The following TMEM41B variants were observed in gnomAD, a reference collection of about 807,000 sequenced individuals.
The protein encoded by TMEM41B is transmembrane protein 41B.
In TMEM41B, 18 loss-of-function variants were observed where a neutral mutation model predicts 31.9. That is an observed-to-expected ratio of 0.56 (90% CI 0.39 to 0.84). The LOEUF is 0.84. Among genes scored for constraint, TMEM41B ranks in the 40% least tolerant of loss-of-function variants. The pLI, the probability that TMEM41B is intolerant of heterozygous loss-of-function variation, is 0.00. For missense variants in TMEM41B, 322 were observed against 348.0 expected (o/e 0.93, Z 0.59); for synonymous variants, 144 against 124.3 (o/e 1.16, Z -1.05).
At chr11:9,291,060 G>C (rs1463882993) in intron 3 of TMEM41B, among the ~76,000 whole-genome samples, 1 of 152,086 alleles carries the variant, frequency 6.6e-6, no homozygotes, top group African/African-American at 2.4e-5. Context: ...ACGTTGTAGT[G>C]AGCCGAGATC....
At chr11:9,297,713 T>C (rs1015958660) in intron 2 of TMEM41B, among the ~76,000 whole-genome samples, 1 of 151,760 alleles carries the variant, frequency 6.6e-6, no homozygotes, top group South Asian at 2.1e-4. Flanking sequence ...AAATAAAGTT[T>C]TTTATACAGA....
chr11:9,311,168 G>T, intron 1 of TMEM41B: 1 of 1,219,976 alleles, frequency 8.2e-7, no homozygotes, highest in Admixed American at 2.3e-5. Flanking sequence ...CTCAGGCGGG[G>T]GTAGGGTGTG....
intron 2 of TMEM41B, among the ~76,000 whole-genome samples, chr11:9,296,756 A>T (rs1209554398): frequency 2.0e-5 from 3 of 152,214 alleles, no homozygotes; most frequent in African/African-American, 7.2e-5. Flanking sequence ...TTCACAGTTC[A>T]AACATTTTCT....
At chr11:9,305,979 CTTTT>C (rs746744551) in intron 1 of TMEM41B, among the ~76,000 whole-genome samples, 4 of 118,000 alleles carry the variant, frequency 3.4e-5, no homozygotes, top group Admixed American at 9.7e-5. Context: ...CAGCACTTTT[CTTTT>C]TTTTTTTTTT....
In TMEM41B at chr11:9,283,560, G is replaced by A; in HGVS notation, c.740C>T (p.Ala247Val). The change falls in exon 7 of 7, where the codon GCA (alanine) becomes GTA (valine). Residue 247 changes from alanine (A) to valine (V), a missense_variant. Ala to Val is a moderately conservative substitution (Grantham distance 64, BLOSUM62 0). This residue lies in a region of TMEM41B where 92 missense variants were observed against 88.0 expected (regional missense o/e 1.05). Transcript: ENST00000528080. ...VAPPSFVAIK[A>V]GTTLYQLTTA... ...TGTAAGTTGATACAGTGTTGTTCCT[G>A]CCTTAATGGCTACAAAAGAAGGAGG... 1 of 1,608,014 alleles carries A rather than the reference G, an allele frequency of 6.2e-7. No individual in the cohort carries two copies. The highest frequency in any genetic ancestry group is 1.1e-5 in the South Asian group (1 of 88,864).
chr11:9,287,847 G>T, intron 4 of TMEM41B, 41 bp from the exon 5 acceptor site: 1 of 1,460,824 alleles, frequency 6.8e-7, no homozygotes, highest in Non-Finnish European at 9.5e-7. Context: ...GTATTTTTCC[G>T]TCTTACTCAC....
chr11:9,296,113 TC>T (rs1853079419), intron 2 of TMEM41B, among the ~76,000 whole-genome samples: 1 of 151,990 alleles, frequency 6.6e-6, no homozygotes, highest in Non-Finnish European at 1.5e-5. Context: ...CGCCTTGGCC[TC>T]CCAACGTGCT....
chr11:9,295,107 A>T (rs1423439330), intron 3 of TMEM41B, 152 bp downstream of exon 3: 2 of 1,019,180 alleles, frequency 2.0e-6, no homozygotes, highest in South Asian at 6.2e-5. Flanking sequence ...TAAAGTGATA[A>T]TTTTTTTCCA....
intron 2 of TMEM41B, among the ~76,000 whole-genome samples, chr11:9,296,375 C>T (rs1323008031): frequency 2.6e-5 from 4 of 151,750 alleles, no homozygotes; most frequent in Admixed American, 6.6e-5. Flanking sequence ...CCTGTAACCC[C>T]AGCACTTTGG....
Position 9,286,440 on chromosome 11 carries a change from A to T in TMEM41B, c.706+15T>A. The T allele has an allele frequency of 6.2e-7, 1 of 1,604,642 alleles. No homozygotes were observed. Among genetic ancestry groups the T allele is most frequent in the Non-Finnish European group, 8.5e-7 (1 of 1,175,986 alleles). ...ACACAGTGAGCTCATACACAGCAAG[A>T]ACCAGAGGGCTTACCTAGAAAAGTA... On this transcript the variant is annotated intron_variant, in intron 6 of 6. Coordinates refer to ENST00000528080, the MANE Select transcript of TMEM41B (RefSeq NM_015012.4).
chr11:9,288,675 C>A (rs981783957), intron 3 of TMEM41B, 140 bp from the exon 4 acceptor site: 1 of 570,242 alleles, frequency 1.8e-6, no homozygotes, highest in Non-Finnish European at 2.9e-6. Context: ...CTAAGTTGAC[C>A]ATTTACTAAA....
chr11:9,281,953 A>G lies in TMEM41B; in HGVS notation c.*1471T>C, dbSNP rs186501238. 3 of 152,364 alleles carry G rather than the reference A, an allele frequency of 2.0e-5. No individual in the cohort carries two copies. Among genetic ancestry groups the G allele is most frequent in the Non-Finnish European group, 4.4e-5 (3 of 68,038 alleles). The allele number at this position is 152,364 out of a possible 1,614,324, so 9.4% of individuals were successfully genotyped here. A position where few individuals can be genotyped will look rare whatever the true frequency, so the allele number is the denominator to read the frequency against. The stretch of plus-strand genomic sequence containing the variant: ...CATTGGAACAAATAAACTATATTTA[A>G]TCACTTGTGTTTTGCTGTCACTGTT... On this transcript the variant is annotated 3_prime_UTR_variant, in exon 7 of 7. Coordinates refer to ENST00000528080, the MANE Select transcript of TMEM41B (RefSeq NM_015012.4).
intron 1 of TMEM41B, among the ~76,000 whole-genome samples, chr11:9,313,373 T>A (rs1231795513): frequency 6.6e-6 from 1 of 152,242 alleles, no homozygotes; most frequent in African/African-American, 2.4e-5. Flanking sequence ...CTCCTAGCCA[T>A]CACTGGTGGT....
At chr11:9,299,441 T>TCG (rs1451487129) in intron 2 of TMEM41B, 143 bp downstream of exon 2, 1 of 604,574 alleles carries the variant, frequency 1.7e-6, no homozygotes, top group Non-Finnish European at 3.0e-6. Flanking sequence ...CAGGCTGGTC[T>TCG]CGCACTCCTG....
At chr11:9,306,729 C>T (rs1162947856) in intron 1 of TMEM41B, among the ~76,000 whole-genome samples, 1 of 151,892 alleles carries the variant, frequency 6.6e-6, no homozygotes, top group Non-Finnish European at 1.5e-5. Flanking sequence ...GCCTACAAGA[C>T]GTTCAACATG....
chr11:9,296,114 C>T (rs1335372475), intron 2 of TMEM41B, among the ~76,000 whole-genome samples: 1 of 151,832 alleles, frequency 6.6e-6, no homozygotes, highest in Non-Finnish European at 1.5e-5. Context: ...GCCTTGGCCT[C>T]CCAACGTGCT....
At chr11:9,284,980 TTC>T (rs1852803797) in intron 6 of TMEM41B, among the ~76,000 whole-genome samples, 2 of 152,090 alleles carry the variant, frequency 1.3e-5, no homozygotes, top group African/African-American at 4.8e-5. Context: ...GAAACAAAAA[TTC>T]TCTCTTTAGA....
chr11:9,297,901 CA>C (rs1314375993), intron 2 of TMEM41B, among the ~76,000 whole-genome samples: 2 of 150,594 alleles, frequency 1.3e-5, no homozygotes, highest in African/African-American at 2.4e-5. Flanking sequence ...CCTGTCTCTA[CA>C]AAAAATTAAA....
intron 1 of TMEM41B, among the ~76,000 whole-genome samples, chr11:9,305,008 T>A (rs867267208): frequency 4.0e-5 from 6 of 151,768 alleles, no homozygotes; most frequent in African/African-American, 9.7e-5. Context: ...CCCAGGCTGG[T>A]CTTGAACTCC....
Sources: allele counts gnomAD v4.1 joint callset (sites outside exome capture counted in the v4.1 genomes callset), GRCh38; gene constraint gnomAD v4.1.1; regional missense constraint gnomAD v4.1.1; transcripts MANE v1.5; gene names NCBI Gene and HGNC (gene_info 2026-07-23, HGNC 2026-07-21).